Variants in ERI3 observed in about 807,000 individuals in gnomAD.
The protein encoded by ERI3 is ERI1 exoribonuclease family member 3.
In ERI3, 18 loss-of-function variants were observed where a neutral mutation model predicts 44.4. That is an observed-to-expected ratio of 0.41 (90% CI 0.28 to 0.60). ERI3 has a LOEUF of 0.60. ERI3 is among the 20% of genes least tolerant of loss of function. The probability of loss-of-function intolerance (pLI) is 0.36; values close to 1 mark genes in which losing one functional copy is unlikely to be tolerated. For synonymous variants in ERI3, 183 were observed against 164.8 expected (o/e 1.11, Z -0.84); for missense variants, 294 against 435.5 (o/e 0.68, Z 2.89).
chr1:44,308,155 A>T (rs1217350328), intron 6 of ERI3, among the ~76,000 whole-genome samples, 155 bp downstream of exon 6: 1 of 152,210 alleles, frequency 6.6e-6, no homozygotes, highest in Non-Finnish European at 1.5e-5. Flanking sequence ...GAGAGGCAGA[A>T]GGCAGGGCTC....
chr1:44,238,754 C>A (rs567188579), intron 8 of ERI3, among the ~76,000 whole-genome samples: 7 of 151,982 alleles, frequency 4.6e-5, no homozygotes, highest in Admixed American at 1.3e-4. Flanking sequence ...AGCCTCCCCC[C>A]ACAGAGGCCA....
At chr1:44,248,882 C>A (rs551836061) in intron 7 of ERI3, among the ~76,000 whole-genome samples, 2 of 152,090 alleles carry the variant, frequency 1.3e-5, no homozygotes, top group African/African-American at 4.8e-5. Context: ...CATTGCCCCC[C>A]CTCCATCCCC....
In ERI3 at chr1:44,228,801, A is replaced by AGT. The variant is rs1390670644; in HGVS notation, c.932-7163_932-7162dup. ...GCATCAAACCCCTTATGTCGCTTGC[A>AGT]GTGCATTTGGCCACCAGGAACTCAA... is the stretch of plus-strand genomic sequence containing the variant. On this transcript the variant is annotated intron_variant, in intron 8 of 8. Coordinates refer to ENST00000372257, the MANE Select transcript of ERI3 (RefSeq NM_024066.3). The surrounding 1 kb of genome is among the most constrained non-coding windows in gnomAD (Gnocchi z 4.3). Among the ~76,000 whole-genome samples the AGT allele has an allele frequency of 5.9e-5, 9 of 152,342 alleles. No individual in the cohort carries two copies. Among genetic ancestry groups the AGT allele is most frequent in the African/African-American group, 2.2e-4 (9 of 41,588 alleles).
chr1:44,340,471 T>C lies in ERI3; in HGVS notation c.212-1149A>G, dbSNP rs1194875997. Among the ~76,000 whole-genome samples the C allele has an allele frequency of 2.0e-5, 3 of 152,292 alleles. No homozygotes were observed. In the East Asian group the frequency reaches 5.8e-4, roughly 29 times the overall value. ...AAGGCTTGCCTCTGATGGCTGCAAG[T>C]GGGCACCTGGCTCCCTTCACATAGG... On this transcript the variant is annotated intron_variant, in intron 2 of 8. Coordinates refer to ENST00000372257, the MANE Select transcript of ERI3 (RefSeq NM_024066.3).
chr1:44,325,146 C>A (rs184871810), intron 3 of ERI3, among the ~76,000 whole-genome samples: 2 of 149,060 alleles, frequency 1.3e-5, no homozygotes, highest in African/African-American at 5.0e-5. Flanking sequence ...GCACAATCTC[C>A]GGCTCAATGT....
At position 44,355,125 on chromosome 1, in the gene ERI3, C is replaced by CG. The variant is rs1233004526; in HGVS notation, c.-100dup. 1 of 1,232,414 alleles carries CG rather than the reference C, an allele frequency of 8.1e-7. No homozygotes were observed. The highest frequency in any genetic ancestry group is 3.2e-5 in the East Asian group (1 of 31,052). The allele number at this position is 1,232,414 out of a possible 1,614,324, so 76.3% of individuals were successfully genotyped here. A position where few individuals can be genotyped will look rare whatever the true frequency, so the allele number is the denominator to read the frequency against. ...AGCAAGCGCTCAGGGCAGTTGGCGG[C>CG]GGCGGGCGCGGCCCGCGCCGACTGC... On this transcript the variant is annotated 5_prime_UTR_variant, in exon 1 of 9. Coordinates refer to ENST00000372257, the MANE Select transcript of ERI3 (RefSeq NM_024066.3).
At chr1:44,330,034 T>G (rs1646396973) in intron 3 of ERI3, among the ~76,000 whole-genome samples, 2 of 152,342 alleles carry the variant, frequency 1.3e-5, no homozygotes, top group South Asian at 4.1e-4. Flanking sequence ...AGCATCTCTC[T>G]CAAGTACTGC....
chr1:44,316,790 C>T (rs1441818420), intron 4 of ERI3, among the ~76,000 whole-genome samples: 1 of 151,874 alleles, frequency 6.6e-6, no homozygotes, highest in Non-Finnish European at 1.5e-5. Flanking sequence ...ATAACAACAA[C>T]AAAAAGAAGA....
intron 1 of ERI3, chr1:44,354,509 C>T (rs1327872384): frequency 2.0e-6 from 2 of 985,308 alleles, no homozygotes; most frequent in African/African-American, 1.7e-5. Context: ...CCCTTATTCA[C>T]TCCTTCCACC....
Position 44,228,560 on chromosome 1 carries a change from C to T in ERI3, c.932-6920G>A, listed in dbSNP as rs1340260910. Among the ~76,000 whole-genome samples, 2 of 152,154 alleles carry T rather than the reference C, an allele frequency of 1.3e-5. No individual in the cohort carries two copies. The highest frequency in any genetic ancestry group is 2.9e-5 in the Non-Finnish European group (2 of 68,020). ...AAGTGTTTATTAAGCGCTGGTAAAGCTGGGATAATGATGTGTTTGGAAATT... is the reference window on the plus strand; with the variant it reads ...AAGTGTTTATTAAGCGCTGGTAAAGTTGGGATAATGATGTGTTTGGAAATT... On this transcript the variant is annotated intron_variant, in intron 8 of 8. Coordinates refer to ENST00000372257, the MANE Select transcript of ERI3 (RefSeq NM_024066.3). This position sits in a 1 kb window ranked among gnomAD's most constrained non-coding sequence, Gnocchi z 4.3.
At chr1:44,298,289 A>C (rs1202311602) in intron 6 of ERI3, among the ~76,000 whole-genome samples, 1 of 152,198 alleles carries the variant, frequency 6.6e-6, no homozygotes, top group Non-Finnish European at 1.5e-5. Flanking sequence ...CCCTATCACA[A>C]GACCTCAGAG....
At chr1:44,234,600 A>T (rs959779187) in intron 8 of ERI3, among the ~76,000 whole-genome samples, 2 of 152,014 alleles carry the variant, frequency 1.3e-5, no homozygotes, top group African/African-American at 4.8e-5. Context: ...CGGAGGTTGC[A>T]GTGAGCCGAG....
At chr1:44,234,819 C>T (rs2154316504) in intron 8 of ERI3, among the ~76,000 whole-genome samples, 1 of 152,094 alleles carries the variant, frequency 6.6e-6, no homozygotes, top group Non-Finnish European at 1.5e-5. Flanking sequence ...TCTCAGCTCA[C>T]TGCATCTCCG....
At chr1:44,261,389 G>A (rs1173351615) in intron 7 of ERI3, among the ~76,000 whole-genome samples, 1 of 152,200 alleles carries the variant, frequency 6.6e-6, no homozygotes, top group African/African-American at 2.4e-5. Flanking sequence ...CTCAAAATCC[G>A]ATTCATACCA....
chr1:44,234,222 A>AT, intron 8 of ERI3, among the ~76,000 whole-genome samples: 1 of 149,972 alleles, frequency 6.7e-6, no homozygotes, highest in South Asian at 2.1e-4. Context: ...ATTACCATAT[A>AT]TTTTTCAATA....
chr1:44,308,412 C>A lies in ERI3; in HGVS notation c.667-11G>T, dbSNP rs1484979014. The A allele has an allele frequency of 1.9e-6, 3 of 1,611,320 alleles. No homozygotes were observed. The highest frequency in any genetic ancestry group is 2.2e-5 in the South Asian group (2 of 91,020). ...CCATTCATCGACCCTCTGAAAAGTA[C>A]ACAAGAACAAATGAGATTTTCCTTT... On this transcript the variant is annotated splice_polypyrimidine_tract_variant and intron_variant, in intron 5 of 8. Coordinates refer to ENST00000372257, the MANE Select transcript of ERI3 (RefSeq NM_024066.3).
At position 44,322,860 on chromosome 1, in the gene ERI3, GACAA is replaced by G. The variant is rs1427453986; in HGVS notation, c.490-3120_490-3117del. 3 of 1,546,708 alleles carry G rather than the reference GACAA, an allele frequency of 1.9e-6. No individual in the cohort carries two copies. The African/African-American group carries it at 4.1e-5, about 21-fold the overall frequency. On this transcript the variant is annotated intron_variant, in intron 3 of 8. Coordinates refer to ENST00000372257, the MANE Select transcript of ERI3 (RefSeq NM_024066.3). ...TCTGCAGCCAGGGCACCTGAAGCAT[GACAA>G]ACATTTTGAAGATTTTTAGCTGATA...
chr1:44,301,469 C>G (rs571643694), intron 6 of ERI3, among the ~76,000 whole-genome samples: 4 of 152,326 alleles, frequency 2.6e-5, no homozygotes, highest in Admixed American at 2.0e-4. Flanking sequence ...ACCCTCATTC[C>G]TTACCTCAGA....
At chr1:44,353,001 C>G in intron 1 of ERI3, 76 bp from the exon 2 acceptor site, 1 of 1,594,762 alleles carries the variant, frequency 6.3e-7, no homozygotes, top group South Asian at 1.1e-5. Context: ...GATACTACAC[C>G]TCAAACTCTA....
Sources: allele counts gnomAD v4.1 joint callset (sites outside exome capture counted in the v4.1 genomes callset), GRCh38; gene constraint gnomAD v4.1.1; non-coding constraint Gnocchi (gnomAD v3.1); transcripts MANE v1.5; gene names NCBI Gene and HGNC (gene_info 2026-07-23, HGNC 2026-07-21).